The following PRSS23 variants were observed in gnomAD, a reference collection of about 807,000 sequenced individuals.
PRSS23 encodes protease, serine 23.
PRSS23 carries 25 observed loss-of-function variants against 34.7 expected under a neutral mutation model. That is an observed-to-expected ratio of 0.72 (90% CI 0.53 to 1.01). The LOEUF (loss-of-function observed/expected upper bound fraction) is 1.01. PRSS23 is among the 50% of genes least tolerant of loss of function. The pLI, the probability that PRSS23 is intolerant of heterozygous loss-of-function variation, is 0.00. For missense variants in PRSS23, 445 were observed against 475.6 expected, an observed-to-expected ratio of 0.94 and a Z score of 0.60; for synonymous variants, 176 against 186.6, an observed-to-expected ratio of 0.94 and a Z score of 0.46.
chr11:86,943,552 AG>A (rs2135028884), intron 2 of PRSS23, among the ~76,000 whole-genome samples: 1 of 152,156 alleles, frequency 6.6e-6, no homozygotes, highest in South Asian at 2.1e-4. Flanking sequence ...TGAACCAGGG[AG>A]GCGGAGGTTG....
chr11:86,802,723 AG>A (rs1948054639), intron 1 of PRSS23, among the ~76,000 whole-genome samples: 1 of 152,236 alleles, frequency 6.6e-6, no homozygotes, highest in South Asian at 2.1e-4. Flanking sequence ...TGTTTGCTAT[AG>A]GAGTTAAATC....
At chr11:86,866,147 C>T (rs1268007130) in intron 2 of PRSS23, among the ~76,000 whole-genome samples, 1 of 152,204 alleles carries the variant, frequency 6.6e-6, no homozygotes, top group Non-Finnish European at 1.5e-5. Context: ...AACAGAGCCA[C>T]AAAGGGGTGA....
Position 86,952,119 on chromosome 11 carries a change from G to A in PRSS23, c.*834G>A, listed in dbSNP as rs370046062. 9 of 1,613,916 alleles carry A rather than the reference G, an allele frequency of 5.6e-6. No homozygotes were observed. Among genetic ancestry groups the A allele is most frequent in the South Asian group, 1.1e-5 (1 of 91,056 alleles). On this transcript the variant is annotated 3_prime_UTR_variant, in exon 3 of 3. Transcript: ENST00000533902. Reference sequence around the variant, plus strand: ...ATATCAGTGAACTCCTTGGCTGAGCGGCTGTATAAGCCAGCATCATAGCCA... The same window carrying A: ...ATATCAGTGAACTCCTTGGCTGAGCAGCTGTATAAGCCAGCATCATAGCCA...
rs1948573850 is a variant in PRSS23 at position 86,856,671 on chromosome 11, T to A, written c.206+33078T>A. On this transcript the variant is annotated intron_variant, in intron 2 of 2. Coordinates refer to the PRSS23 transcript ENST00000533902. ...CATCAACACTATAACTAAACAACCTTAGACAAACCATTGGTGTTGGAGGAC... is the reference window on the plus strand; with the variant it reads ...CATCAACACTATAACTAAACAACCTAAGACAAACCATTGGTGTTGGAGGAC... 3.3e-5 allele frequency among the ~76,000 whole-genome samples: 5 copies of A among 152,326 alleles called. No homozygotes were observed. In the South Asian group the frequency reaches 1.0e-3, roughly 32 times the overall value.
At chr11:86,849,032 A>T (rs1948510045) in intron 2 of PRSS23, among the ~76,000 whole-genome samples, 1 of 152,212 alleles carries the variant, frequency 6.6e-6, no homozygotes, top group African/African-American at 2.4e-5. Flanking sequence ...CCTGGGCCAG[A>T]AGCACCCAAC....
At chr11:86,879,259 C>T (rs1388440036) in intron 2 of PRSS23, among the ~76,000 whole-genome samples, 4 of 146,308 alleles carry the variant, frequency 2.7e-5, no homozygotes, top group South Asian at 2.2e-4. Context: ...GTGAGGAGCG[C>T]CTCTACCCAG....
At chr11:86,897,832 G>A (rs545463543) in intron 2 of PRSS23, among the ~76,000 whole-genome samples, 1 of 152,290 alleles carries the variant, frequency 6.6e-6, no homozygotes, top group South Asian at 2.1e-4. Flanking sequence ...GTTTTACCTT[G>A]CTCTTTGCGC....
intron 2 of PRSS23, among the ~76,000 whole-genome samples, chr11:86,826,391 C>G (rs1334718055): frequency 7.6e-4 from 115 of 152,190 alleles, no homozygotes; most frequent in African/African-American, 2.0e-3. Flanking sequence ...GGAGATTTTG[C>G]GCTGAGACGA....
chr11:86,926,693 C>A (rs1488499867), intron 2 of PRSS23, among the ~76,000 whole-genome samples: 1 of 152,100 alleles, frequency 6.6e-6, no homozygotes, highest in East Asian at 1.9e-4. Flanking sequence ...GTACAAAAAC[C>A]TCCATTAGGG....
chr11:86,913,595 A>G (rs1948992454), intron 2 of PRSS23, among the ~76,000 whole-genome samples: 1 of 151,594 alleles, frequency 6.6e-6, no homozygotes, highest in Admixed American at 6.6e-5. Context: ...CACCCAGGGA[A>G]AAGGTAATGA....
chr11:86,833,407 G>A, intron 2 of PRSS23: 1 of 624,856 alleles, frequency 1.6e-6, no homozygotes, highest in South Asian at 1.5e-5. Flanking sequence ...TGGATCCTCT[G>A]AGAGTTCTAG....
intron 2 of PRSS23, chr11:86,938,951 AT>A: frequency 2.4e-6 from 1 of 411,574 alleles, no homozygotes; most frequent in African/African-American, 2.1e-5. Context: ...AGATAGCCAA[AT>A]GGGAGGAGGC....
At chr11:86,812,160 C>G (rs1948183079), downstream of PRSS23, among the ~76,000 whole-genome samples, 1 of 152,184 alleles carries the variant, frequency 6.6e-6, no homozygotes, top group African/African-American at 2.4e-5. Flanking sequence ...GGCCAACAAG[C>G]ATGTTTGGTC....
chr11:86,821,869 A>T (rs1948255054), intron 1 of PRSS23: 1 of 397,686 alleles, frequency 2.5e-6, no homozygotes, highest in Non-Finnish European at 4.5e-6. Context: ...AGTACCAATA[A>T]TTTTTTAGAA....
chr11:86,798,235 G>A (rs1333587203), upstream of PRSS23, among the ~76,000 whole-genome samples: 1 of 152,174 alleles, frequency 6.6e-6, no homozygotes, highest in Non-Finnish European at 1.5e-5. Context: ...TATAATAAAA[G>A]ATAAACACAT....
At chr11:86,806,815 G>C (rs1200998668) in intron 1 of PRSS23, among the ~76,000 whole-genome samples, 1 of 152,142 alleles carries the variant, frequency 6.6e-6, no homozygotes, top group Non-Finnish European at 1.5e-5. Context: ...TGGTAATACA[G>C]ATATAAACAA....
intron 2 of PRSS23, among the ~76,000 whole-genome samples, chr11:86,940,082 C>T (rs1173141471): frequency 6.6e-6 from 1 of 152,050 alleles, no homozygotes; most frequent in African/African-American, 2.4e-5. Flanking sequence ...CTCTGAGTCC[C>T]GAAGAGCTGG....
At chr11:86,882,127 C>T (rs1327622090) in intron 2 of PRSS23, among the ~76,000 whole-genome samples, 1 of 152,142 alleles carries the variant, frequency 6.6e-6, no homozygotes, top group Non-Finnish European at 1.5e-5. Context: ...TTATTATTTA[C>T]TTACACCTGC....
intron 2 of PRSS23, among the ~76,000 whole-genome samples, chr11:86,831,030 A>G (rs1281421711): frequency 1.3e-5 from 2 of 152,034 alleles, no homozygotes; most frequent in Non-Finnish European, 2.9e-5. Context: ...GGAATATCCT[A>G]GGGGGATGTT....
Sources: gnomAD v4.1 joint callset for allele counts (sites outside exome capture counted in the v4.1 genomes callset) on GRCh38, gnomAD v4.1.1 for gene constraint, MANE v1.5 for transcripts, NCBI Gene and HGNC (gene_info 2026-07-23, HGNC 2026-07-21) for gene names.